The following EXPH5 variants were observed in gnomAD, a reference collection of about 807,000 sequenced individuals.
The protein encoded by EXPH5 is exophilin-5.
A neutral mutation model predicts 41.1 loss-of-function variants in EXPH5; 42 were observed. The ratio of observed to expected loss-of-function variants is 1.02; its 90% CI spans 0.80 to 1.32. EXPH5 has a LOEUF of 1.32. EXPH5 is among the 40% of genes most tolerant of loss of function. The pLI is 0.00. For synonymous variants in EXPH5, 798 were observed against 833.5 expected (o/e 0.96, Z 0.73); for missense variants, 2,298 against 2,314.5 (o/e 0.99, Z 0.15).
At chr11:108,526,782 G>C (rs1019691438) in intron 4 of EXPH5, among the ~76,000 whole-genome samples, 49 of 152,172 alleles carry the variant, frequency 3.2e-4, no homozygotes, top group African/African-American at 1.1e-3. Context: ...GGGTGACCTT[G>C]AGCATGATCT....
chr11:108,561,977 T>C (rs1018218453), intron 1 of EXPH5, among the ~76,000 whole-genome samples: 6 of 152,194 alleles, frequency 3.9e-5, no homozygotes, highest in Admixed American at 3.3e-4. Context: ...ACCAGAATGC[T>C]GCAGTATTCT....
intron 2 of EXPH5, 26 bp downstream of exon 2, chr11:108,541,626 C>T (rs753455760): frequency 6.5e-7 from 1 of 1,530,916 alleles, no homozygotes; most frequent in South Asian, 1.2e-5. Flanking sequence ...AAGAAATCAA[C>T]TTTAAATCTA....
chr11:108,577,746 G>A (rs1005980429), intron 1 of EXPH5, among the ~76,000 whole-genome samples: 4 of 152,076 alleles, frequency 2.6e-5, no homozygotes, highest in African/African-American at 9.7e-5. Flanking sequence ...TTTAACTGGG[G>A]TGAAATGATA....
At position 108,553,219 on chromosome 11, in the gene EXPH5, A is replaced by G. The variant is rs891228812; in HGVS notation, c.120-11407T>C. 3.9e-5 allele frequency among the ~76,000 whole-genome samples: 6 copies of G among 152,130 alleles called. 1 individual carries two copies. Among genetic ancestry groups the G allele is most frequent in the Admixed American group, 2.0e-4 (3 of 15,272 alleles). ...ATCTAAAAAAAATAAAATAAAATAA[A>G]TTGACCATTGTAACCCTTCTGGATG... On this transcript the variant is annotated intron_variant, in intron 1 of 5. Coordinates refer to ENST00000265843, the MANE Select transcript of EXPH5 (RefSeq NM_015065.3).
chr11:108,591,721 C>A (rs79228139), intron 1 of EXPH5, among the ~76,000 whole-genome samples: 6,054 of 152,196 alleles, frequency 0.04, 126 homozygotes, highest in Middle Eastern at 0.051. Flanking sequence ...TGTGTAGATA[C>A]ACGTGCTTTG....
chr11:108,554,885 C>T (rs1266222940), intron 1 of EXPH5, among the ~76,000 whole-genome samples: 1 of 152,220 alleles, frequency 6.6e-6, no homozygotes, highest in Non-Finnish European at 1.5e-5. Context: ...GATCGTGCCA[C>T]TGCACTCCAG....
the EXPH5 span, among the ~76,000 whole-genome samples, chr11:108,606,642 T>C: frequency 6.6e-6 from 1 of 152,174 alleles, no homozygotes; most frequent in Non-Finnish European, 1.5e-5. Context: ...GGCTCAAGGC[T>C]CACTTTGTGC....
chr11:108,570,794 C>A (rs1013696211), intron 1 of EXPH5, among the ~76,000 whole-genome samples: 2 of 152,176 alleles, frequency 1.3e-5, no homozygotes, highest in Non-Finnish European at 1.5e-5. Context: ...GATCCTCCTA[C>A]CTTGACCTCC....
Position 108,519,192 on chromosome 11 carries a change from T to C in EXPH5, c.493-819A>G, listed in dbSNP as rs143178434. 6.7e-3 allele frequency among the ~76,000 whole-genome samples: 1,022 copies of C among 152,298 alleles called. 9 individuals carry two copies. The highest frequency in any genetic ancestry group is 0.023 in the African/African-American group (970 of 41,548). On this transcript the variant is annotated intron_variant, in intron 4 of 5. Transcript: ENST00000265843. ...GGGTCTGGATCCAGTATTACTTTTC[T>C]GGTAATATCTTCCTGGCGACCACGG...
chr11:108,583,385 A>T (rs540246986), intron 1 of EXPH5, among the ~76,000 whole-genome samples: 2,526 of 151,816 alleles, frequency 0.017, 66 homozygotes, highest in African/African-American at 0.056. Context: ...AAAAAAAATA[A>T]AAAAAAAAAT....
intron 1 of EXPH5, among the ~76,000 whole-genome samples, chr11:108,580,831 C>G (rs556538076): frequency 6.6e-6 from 1 of 152,166 alleles, no homozygotes; most frequent in South Asian, 2.1e-4. Flanking sequence ...CGTTCTCACT[C>G]ATAAGTGGAG....
intron 1 of EXPH5, 94 bp downstream of exon 1, chr11:108,593,324 G>A (rs946010955): frequency 6.4e-6 from 7 of 1,093,728 alleles, no homozygotes; most frequent in Non-Finnish European, 8.2e-6. Context: ...GCACCCCCGG[G>A]CAGGTGCCCC....
chr11:108,577,457 C>G (rs1304805316), intron 1 of EXPH5, among the ~76,000 whole-genome samples: 1 of 151,536 alleles, frequency 6.6e-6, no homozygotes, highest in Non-Finnish European at 1.5e-5. Flanking sequence ...GAGATTTACT[C>G]TTGTTGCCCA....
chr11:108,551,601 C>A (rs186070233), intron 1 of EXPH5, among the ~76,000 whole-genome samples: 2 of 151,930 alleles, frequency 1.3e-5, no homozygotes, highest in African/African-American at 4.8e-5. Context: ...CTGATCTTCG[C>A]GGACCTGACC....
At chr11:108,592,791 C>A (rs1357685187) in intron 1 of EXPH5, among the ~76,000 whole-genome samples, 1 of 152,242 alleles carries the variant, frequency 6.6e-6, no homozygotes, top group Non-Finnish European at 1.5e-5. Flanking sequence ...CAGCCAACCC[C>A]GTGTGTCCAA....
chr11:108,510,042 T>A lies in EXPH5; in HGVS notation c.5465A>T (p.Glu1822Val). Residue 1822 changes from glutamate (E) to valine (V), a missense_variant, in exon 6 of 6, where the codon GAA becomes GTA. Transcript: ENST00000265843. ...CAGGGCATTGTCAATAGAAGTGCTT[T>A]CAGAAAAATGGCGCTCCCTGACTTT... ...PPKVRERHFSESTSIDNALSR... is the reference protein window; with the variant it reads ...PPKVRERHFSVSTSIDNALSR... 2 of 1,611,950 alleles carry A rather than the reference T, an allele frequency of 1.2e-6. No homozygotes were observed. Among genetic ancestry groups the A allele is most frequent in the Non-Finnish European group, 1.7e-6 (2 of 1,179,294 alleles).
Position 108,510,703 on chromosome 11 carries a change from T to C in EXPH5, c.4804A>G (p.Ser1602Gly). 1 of 1,614,250 alleles carries C rather than the reference T, an allele frequency of 6.2e-7. No individual in the cohort carries two copies. Among genetic ancestry groups the C allele is most frequent in the Non-Finnish European group, 8.5e-7 (1 of 1,180,040 alleles). The change falls in exon 6 of 6, where the codon AGC becomes GGC. Residue 1602 changes from serine to glycine, a missense_variant. Transcript: ENST00000265843. ...ACATCTTTAGCTGGGAATTTTCTGC[T>C]GGCTTTAGACATGGCTGCCAATCTG... ...KHRLAAMSKA[S>G]RKFPAKDVSP...
chr11:108,560,285 C>A (rs568002777), intron 1 of EXPH5, among the ~76,000 whole-genome samples: 1 of 152,338 alleles, frequency 6.6e-6, no homozygotes, highest in East Asian at 1.9e-4. Flanking sequence ...TCAGTTAAAG[C>A]TCATTGGTTT....
chr11:108,533,009 A>T (rs1307363600), intron 3 of EXPH5, among the ~76,000 whole-genome samples: 2 of 152,220 alleles, frequency 1.3e-5, no homozygotes, highest in Non-Finnish European at 2.9e-5. Context: ...GCAGTGCTGC[A>T]CATGGTATTC....
Sources: gnomAD v4.1 joint callset for allele counts (sites outside exome capture counted in the v4.1 genomes callset) on GRCh38, gnomAD v4.1.1 for gene constraint, MANE v1.5 for transcripts, NCBI Gene and HGNC (gene_info 2026-07-23, HGNC 2026-07-21) for gene names.